The following CCDC178 variants were observed in gnomAD, a reference collection of about 807,000 sequenced individuals.
CCDC178 encodes the protein coiled-coil domain-containing protein 178.
In CCDC178, 126 loss-of-function variants were observed where a neutral mutation model predicts 117.4. That is an observed-to-expected ratio of 1.07 (90% CI 0.93 to 1.24). The LOEUF (loss-of-function observed/expected upper bound fraction) is 1.24. CCDC178 is among the 50% of genes most tolerant of loss of function. The pLI is 0.00. For missense variants in CCDC178, 1,030 were observed against 986.9 expected (o/e 1.04, Z -0.59); for synonymous variants, 283 against 313.4 (o/e 0.90, Z 1.02).
intron 22 of CCDC178, among the ~76,000 whole-genome samples, chr18:32,942,337 T>C (rs1416562529): frequency 6.6e-6 from 1 of 152,126 alleles, no homozygotes; most frequent in African/African-American, 2.4e-5. Context: ...TTGAAAAACA[T>C]ACCACTTCCA....
intron 2 of CCDC178, among the ~76,000 whole-genome samples, chr18:33,431,807 A>G (rs1410213761): frequency 2.0e-5 from 3 of 152,174 alleles, no homozygotes. Flanking sequence ...GTCTACTCCC[A>G]TTTTTATATC....
intron 9 of CCDC178, among the ~76,000 whole-genome samples, chr18:33,335,117 C>T (rs2062722338): frequency 6.6e-6 from 1 of 151,850 alleles, no homozygotes; most frequent in South Asian, 2.1e-4. Context: ...TTCTGCATTA[C>T]GTATTTTTAT....
intron 19 of CCDC178, among the ~76,000 whole-genome samples, chr18:33,213,064 A>G (rs538106451): frequency 1.3e-5 from 2 of 152,156 alleles, no homozygotes; most frequent in South Asian, 4.1e-4. Flanking sequence ...CTGCTTTTAA[A>G]TAATATCCCA....
chr18:33,436,587 G>T (rs2144988694), intron 2 of CCDC178, among the ~76,000 whole-genome samples: 1 of 152,250 alleles, frequency 6.6e-6, no homozygotes, highest in South Asian at 2.1e-4. Flanking sequence ...CTGACCCTTG[G>T]CCAATGCTGT....
chr18:33,147,577 G>C (rs991994268), intron 20 of CCDC178, among the ~76,000 whole-genome samples: 8 of 151,332 alleles, frequency 5.3e-5, no homozygotes, highest in Admixed American at 1.3e-4. Context: ...GACTCCTAAC[G>C]AGCATGCTGC....
chr18:33,421,033 G>A (rs1197004353), intron 2 of CCDC178, among the ~76,000 whole-genome samples: 2 of 152,058 alleles, frequency 1.3e-5, no homozygotes, highest in Non-Finnish European at 2.9e-5. Context: ...GAAGTGGGAG[G>A]GAGTCTATTT....
In CCDC178 at chr18:33,324,950, T is replaced by C. The variant is rs2062564808; in HGVS notation, c.880-1317A>G. Among the ~76,000 whole-genome samples, 6 of 151,814 alleles carry C rather than the reference T, an allele frequency of 4.0e-5. No individual in the cohort carries two copies. In the South Asian group the frequency reaches 6.2e-4, roughly 16 times the overall value. On this transcript the variant is annotated intron_variant, in intron 10 of 22. Transcript: ENST00000383096. ...GTATTGGATGGTTTAGTTCTGGGAA[T>C]ACAAACTTATTTTGAAAACAACAGT...
At position 33,276,026 on chromosome 18, in the gene CCDC178, G is replaced by GAATA. The variant is rs1283819208; in HGVS notation, c.1177-8730_1177-8729insTATT. ...GCAAGACCCTGTTTCTAAAGTAAGT[G>GAATA]AGTAAATAAATAAATAAATAAATAA... On this transcript the variant is annotated intron_variant, in intron 12 of 22. Coordinates refer to ENST00000383096, the MANE Select transcript of CCDC178 (RefSeq NM_001105528.4). 1.0e-4 allele frequency among the ~76,000 whole-genome samples: 3 copies of GAATA among 29,670 alleles called. No individual in the cohort carries two copies. The South Asian group carries it at 5.0e-3, about 50-fold the overall frequency. The allele number at this position is 29,670 out of a possible 152,430, so 19.5% of individuals were successfully genotyped here.
chr18:33,342,165 T>G (rs2062825251), intron 9 of CCDC178, among the ~76,000 whole-genome samples: 1 of 152,096 alleles, frequency 6.6e-6, no homozygotes, highest in African/African-American at 2.4e-5. Flanking sequence ...GTGAAATATG[T>G]TGAAACCATA....
chr18:33,333,901 G>C (rs2062706850), intron 9 of CCDC178, among the ~76,000 whole-genome samples: 1 of 152,012 alleles, frequency 6.6e-6, no homozygotes, highest in African/African-American at 2.4e-5. Context: ...TGTTTCATAA[G>C]ATAATAGTTA....
chr18:33,098,443 G>A (rs932632654), intron 20 of CCDC178, among the ~76,000 whole-genome samples: 4 of 151,992 alleles, frequency 2.6e-5, no homozygotes. Context: ...CTCCTGTCCT[G>A]ATGTAACTGT....
intron 20 of CCDC178, among the ~76,000 whole-genome samples, chr18:33,124,274 C>G (rs1027266070): frequency 6.6e-6 from 1 of 152,144 alleles, no homozygotes; most frequent in African/African-American, 2.4e-5. Context: ...ACAGCAACAG[C>G]CTTGGAACAA....
At chr18:33,003,221 C>CA (rs202160782) in intron 21 of CCDC178, among the ~76,000 whole-genome samples, 2,162 of 150,994 alleles carry the variant, frequency 0.014, 37 homozygotes, top group African/African-American at 0.042. Flanking sequence ...AAAGATGCAC[C>CA]AAAAAAAAGA....
At chr18:33,415,010 C>T (rs182877212) in intron 2 of CCDC178, among the ~76,000 whole-genome samples, 1 of 152,312 alleles carries the variant, frequency 6.6e-6, no homozygotes, top group East Asian at 1.9e-4. Flanking sequence ...GATACCATCT[C>T]ACACCAGTTA....
chr18:33,175,468 G>A (rs1322739664), intron 20 of CCDC178, among the ~76,000 whole-genome samples: 1 of 152,014 alleles, frequency 6.6e-6, no homozygotes, highest in Non-Finnish European at 1.5e-5. Context: ...CAGCCTCCCA[G>A]TAGTTGGGAC....
intron 21 of CCDC178, among the ~76,000 whole-genome samples, chr18:32,991,495 A>G (rs574194115): frequency 2.0e-5 from 3 of 152,352 alleles, no homozygotes; most frequent in African/African-American, 7.2e-5. Context: ...ACAAGAGAAA[A>G]TGGTGGTAGT....
intron 22 of CCDC178, among the ~76,000 whole-genome samples, chr18:32,950,540 C>T (rs186522624): frequency 2.7e-4 from 41 of 152,228 alleles, no homozygotes; most frequent in African/African-American, 7.7e-4. Flanking sequence ...CATTCGATTT[C>T]GTTTACTTTC....
intron 9 of CCDC178, among the ~76,000 whole-genome samples, chr18:33,345,804 C>T (rs2062884136): frequency 6.6e-6 from 1 of 152,134 alleles, no homozygotes. Context: ...TAACATCTTT[C>T]AAAAGTGCTG....
At chr18:33,050,022 C>T (rs1414005196) in intron 21 of CCDC178, among the ~76,000 whole-genome samples, 3 of 151,906 alleles carry the variant, frequency 2.0e-5, no homozygotes, top group South Asian at 2.1e-4. Flanking sequence ...CGGAGTTTGC[C>T]GTGATCTGAG....
Sources: allele counts gnomAD v4.1 joint callset (sites outside exome capture counted in the v4.1 genomes callset), GRCh38; gene constraint gnomAD v4.1.1; transcripts MANE v1.5; gene names NCBI Gene and HGNC (gene_info 2026-07-23, HGNC 2026-07-21).